Variants in ANKRD13B observed in about 807,000 individuals in gnomAD.
ANKRD13B encodes ankyrin repeat domain 13B.
Under a neutral mutation model 74.4 loss-of-function variants are expected in ANKRD13B, and 33 were observed. The observed-to-expected ratio is 0.44, with a 90% CI of 0.34 to 0.59. The LOEUF is 0.59. Among genes scored for constraint, ANKRD13B ranks in the 20% least tolerant of loss-of-function variants. The pLI is 0.02. For synonymous variants in ANKRD13B, 341 were observed against 362.9 expected (o/e 0.94, Z 0.68); for missense variants, 676 against 877.9 (o/e 0.77, Z 2.91).
At chr17:29,604,617 C>A (rs530524732) in intron 1 of ANKRD13B, among the ~76,000 whole-genome samples, 1 of 151,904 alleles carries the variant, frequency 6.6e-6, no homozygotes, top group Non-Finnish European at 1.5e-5. Context: ...TCTTGGCTCA[C>A]TGCAACCTCC....
chr17:29,605,435 TAC>T (rs992749295), intron 1 of ANKRD13B, among the ~76,000 whole-genome samples: 10 of 146,920 alleles, frequency 6.8e-5, no homozygotes, highest in Admixed American at 6.1e-4. Flanking sequence ...CACACACACA[TAC>T]ACACACACAT....
intron 1 of ANKRD13B, among the ~76,000 whole-genome samples, chr17:29,606,046 G>A (rs1313449599): frequency 6.6e-6 from 1 of 151,780 alleles, no homozygotes; most frequent in South Asian, 2.1e-4. Flanking sequence ...CTGATTAGCT[G>A]GGATTACAGG....
Position 29,612,660 on chromosome 17 carries a change from C to G in ANKRD13B, c.1420C>G (p.Arg474Gly), listed in dbSNP as rs1456844769. ...VSSSSSTTSCRGCEISPALFE... is the reference protein window; with the variant it reads ...VSSSSSTTSCGGCEISPALFE... ...AGCCCCCGCGCCCCCAGCCTCCTGC[C>G]GCGGCTGCGAGATCTCCCCAGCGTT... The change falls in exon 13 of 15, where the codon CGC becomes GGC. Residue 474 changes from arginine (R) to glycine (G), a missense_variant. By Grantham distance (125) the Arg-to-Gly change is moderately radical. Coordinates refer to ENST00000394859, the MANE Select transcript of ANKRD13B (RefSeq NM_152345.5). The surrounding 1 kb of genome is among the most constrained non-coding windows in gnomAD (Gnocchi z 6.1). The G allele has an allele frequency of 3.2e-6, 5 of 1,552,366 alleles. No individual in the cohort carries two copies. The highest frequency in any genetic ancestry group is 4.3e-6 in the Non-Finnish European group (5 of 1,155,364).
intron 1 of ANKRD13B, chr17:29,599,234 G>T (rs927566533): frequency 5.3e-5 from 8 of 152,294 alleles, no homozygotes; most frequent in Admixed American, 1.3e-4. Flanking sequence ...GAGCAAATGA[G>T]TTCAAAGAGA....
chr17:29,595,535 A>G (rs1049842754), intron 1 of ANKRD13B, among the ~76,000 whole-genome samples: 3 of 152,054 alleles, frequency 2.0e-5, no homozygotes, highest in Admixed American at 2.0e-4. Flanking sequence ...GATAATCCTG[A>G]AGTGGGTGGC....
At chr17:29,600,547 A>G (rs1007784379) in intron 1 of ANKRD13B, among the ~76,000 whole-genome samples, 1 of 152,110 alleles carries the variant, frequency 6.6e-6, no homozygotes, top group Admixed American at 6.5e-5. Flanking sequence ...CTCATGCCCA[A>G]TTTCTACAAA....
Position 29,611,782 on chromosome 17 carries a change from A to C in ANKRD13B, c.970-94A>C. ...AAGGCCATGTCAGCGCCACACTGGC[A>C]GAGGGGACAGCTTGGGGGCCTTGTG... On this transcript the variant is annotated intron_variant, in intron 9 of 14. Transcript: ENST00000394859. This position sits in a 1 kb window ranked among gnomAD's most constrained non-coding sequence, Gnocchi z 4.3. 1 of 1,568,556 alleles carries C rather than the reference A, an allele frequency of 6.4e-7. No homozygotes were observed. The highest frequency in any genetic ancestry group is 8.7e-7 in the Non-Finnish European group (1 of 1,151,470).
rs1427938562 is a variant in ANKRD13B, at chr17:29,612,662, C to T, written c.1422C>T (p.Arg474=). Reference sequence around the variant, plus strand: ...CCCCCGCGCCCCCAGCCTCCTGCCGCGGCTGCGAGATCTCCCCAGCGTTGT... The same window carrying T: ...CCCCCGCGCCCCCAGCCTCCTGCCGTGGCTGCGAGATCTCCCCAGCGTTGT... ...VSSSSSTTSC[R]GCEISPALFE... Residue 474 remains arginine, a synonymous_variant, in exon 13 of 15, where the codon CGC becomes CGT. Coordinates refer to ENST00000394859, the MANE Select transcript of ANKRD13B (RefSeq NM_152345.5). This position sits in a 1 kb window ranked among gnomAD's most constrained non-coding sequence, Gnocchi z 6.1. 5 of 1,554,306 alleles carry T rather than the reference C, an allele frequency of 3.2e-6. No individual in the cohort carries two copies. Among genetic ancestry groups the T allele is most frequent in the Middle Eastern group, 1.8e-4 (1 of 5,462 alleles).
Position 29,597,099 on chromosome 17 carries a change from A to C in ANKRD13B, c.114+3364A>C, listed in dbSNP as rs57453204. ...TGCCTTCCTCCTCGTGGGCTGGGGA[A>C]GGGGCTGAGCAGGCACCACCTTGAG... is the stretch of plus-strand genomic sequence containing the variant. On this transcript the variant is annotated intron_variant, in intron 1 of 14. Transcript: ENST00000394859. Among the ~76,000 whole-genome samples, 658 of 152,300 alleles carry C rather than the reference A, an allele frequency of 4.3e-3. 5 individuals are homozygous for C. Among genetic ancestry groups the C allele is most frequent in the African/African-American group, 0.015 (624 of 41,568 alleles).
At chr17:29,599,355 A>G (rs1168942549) in intron 1 of ANKRD13B, 2 of 148,234 alleles carry the variant, frequency 1.3e-5, no homozygotes, top group Non-Finnish European at 3.0e-5. Context: ...TTTAGCTGCC[A>G]TAGGTGAGGT....
At chr17:29,605,171 T>C (rs915073017) in intron 1 of ANKRD13B, among the ~76,000 whole-genome samples, 18 of 152,096 alleles carry the variant, frequency 1.2e-4, no homozygotes, top group African/African-American at 4.3e-4. Context: ...CAACCTTTAA[T>C]ACCTTGGCTT....
At position 29,599,865 on chromosome 17, in the gene ANKRD13B, G is replaced by GTTTTT. The variant is rs35600194; in HGVS notation, c.114+6155_114+6159dup. Among the ~76,000 whole-genome samples the GTTTTT allele has an allele frequency of 7.9e-3, 402 of 50,792 alleles. 80 individuals are homozygous for GTTTTT. The highest frequency in any genetic ancestry group is 0.011 in the East Asian group (18 of 1,644). 33.3% of individuals were successfully genotyped at this position (50,792 alleles called of 152,430 possible). A position where few individuals can be genotyped will look rare whatever the true frequency, so the allele number is the denominator to read the frequency against. On this transcript the variant is annotated intron_variant, in intron 1 of 14. Transcript: ENST00000394859. Reference sequence around the variant, plus strand: ...CCTCTGGGTTCTTAGCATCTAATTTGTTTTTTTTTTTTTTTTTTTTTTTTT... The same window carrying GTTTTT: ...CCTCTGGGTTCTTAGCATCTAATTTGTTTTTTTTTTTTTTTTTTTTTTTTTTTTTT...
At chr17:29,596,367 C>T (rs780488046) in intron 1 of ANKRD13B, among the ~76,000 whole-genome samples, 7 of 152,198 alleles carry the variant, frequency 4.6e-5, no homozygotes, top group East Asian at 1.9e-4. Flanking sequence ...CCCTGCTTGC[C>T]GCTATGCATG....
chr17:29,612,852 G>T lies in ANKRD13B; in HGVS notation c.1576-35G>T, dbSNP rs1373964530. 1.9e-6 allele frequency: 3 copies of T among 1,600,170 alleles called. No individual in the cohort carries two copies. The highest frequency in any genetic ancestry group is 1.1e-5 in the South Asian group (1 of 90,796). On this transcript the variant is annotated intron_variant, in intron 13 of 14. Transcript: ENST00000394859. The surrounding 1 kb of genome is among the most constrained non-coding windows in gnomAD (Gnocchi z 6.1). ...CGGGCGCGCGGGGCCACGGGACTCCGCGCCGCCACGGCTAACGCCCACGCC... is the reference window on the plus strand; with the variant it reads ...CGGGCGCGCGGGGCCACGGGACTCCTCGCCGCCACGGCTAACGCCCACGCC...
At chr17:29,610,897 T>G in intron 8 of ANKRD13B, 131 bp downstream of exon 8, 1 of 897,492 alleles carries the variant, frequency 1.1e-6, no homozygotes, top group Non-Finnish European at 1.7e-6. Context: ...GCCGATAGAT[T>G]TCAATTCAGG....
At position 29,612,127 on chromosome 17, in the gene ANKRD13B, A is replaced by G; in HGVS notation, c.1112A>G (p.Lys371Arg). 1 of 1,614,082 alleles carries G rather than the reference A, an allele frequency of 6.2e-7. No individual in the cohort carries two copies. Among genetic ancestry groups the G allele is most frequent in the South Asian group, 1.1e-5 (1 of 91,080 alleles). The change falls in exon 11 of 15, where the codon AAG (lysine) becomes AGG (arginine). Residue 371 changes from lysine to arginine, a missense_variant. Transcript: ENST00000394859. This position sits in a 1 kb window ranked among gnomAD's most constrained non-coding sequence, Gnocchi z 6.1. The stretch of plus-strand genomic sequence containing the variant: ...TCTGGTGGGGGCAGGTTCAAGGCCA[A>G]GCTGTGGCTGTGTGAGGAGCATCCC... The part of the protein sequence containing the change: ...LTTKTQKFKA[K>R]LWLCEEHPLS...
intron 1 of ANKRD13B, among the ~76,000 whole-genome samples, chr17:29,605,899 A>C (rs1240124997): frequency 6.6e-6 from 1 of 151,520 alleles, no homozygotes; most frequent in Non-Finnish European, 1.5e-5. Flanking sequence ...AGTTACATGC[A>C]TGTGGTCAGT....
chr17:29,603,224 T>A (rs2034245270), intron 1 of ANKRD13B, among the ~76,000 whole-genome samples: 1 of 152,160 alleles, frequency 6.6e-6, no homozygotes, highest in Non-Finnish European at 1.5e-5. Context: ...TATGTTACAA[T>A]GCTTGATAAT....
chr17:29,604,796 G>A (rs1028775353), intron 1 of ANKRD13B, among the ~76,000 whole-genome samples: 1 of 152,144 alleles, frequency 6.6e-6, no homozygotes, highest in African/African-American at 2.4e-5. Context: ...GCCCGCCTCC[G>A]CCTCCCAAAG....
Sources: allele counts gnomAD v4.1 joint callset (sites outside exome capture counted in the v4.1 genomes callset), GRCh38; gene constraint gnomAD v4.1.1; non-coding constraint Gnocchi (gnomAD v3.1); transcripts MANE v1.5; gene names NCBI Gene and HGNC (gene_info 2026-07-23, HGNC 2026-07-21).